The following PDE8B variants were observed in gnomAD, a reference collection of about 807,000 sequenced individuals.
PDE8B encodes high affinity cAMP-specific and IBMX-insensitive 3',5'-cyclic phosphodiesterase 8B.
Under a neutral mutation model 101.3 loss-of-function variants are expected in PDE8B, and 26 were observed. The observed-to-expected ratio is 0.26, with a 90% CI of 0.19 to 0.36. PDE8B has a LOEUF of 0.36. Ranked by LOEUF, PDE8B falls within the 10% of genes least tolerant of loss-of-function variation. The probability of loss-of-function intolerance (pLI) is 1.00; values close to 1 mark genes in which losing one functional copy is unlikely to be tolerated. For synonymous variants in PDE8B, 424 were observed against 429.3 expected, an observed-to-expected ratio of 0.99 and a Z score of 0.15; for missense variants, 810 against 1,163.1, an observed-to-expected ratio of 0.70 and a Z score of 4.42.
intron 6 of PDE8B, among the ~76,000 whole-genome samples, chr5:77,343,562 G>A (rs1438557604): frequency 6.6e-6 from 1 of 152,206 alleles, no homozygotes; most frequent in Admixed American, 6.5e-5. Flanking sequence ...GCAGGACTGG[G>A]AGTTGCTCTG....
At chr5:77,226,226 ATCTCTG>A (rs1752370813) in intron 1 of PDE8B, among the ~76,000 whole-genome samples, 1 of 151,426 alleles carries the variant, frequency 6.6e-6, no homozygotes, top group African/African-American at 2.4e-5. Context: ...TTTAGATTTT[ATCTCTG>A]TCTCTTACAT....
At chr5:77,107,859 AG>A in the PDE8B span, among the ~76,000 whole-genome samples, 1 of 152,310 alleles carries the variant, frequency 6.6e-6, no homozygotes, top group Non-Finnish European at 1.5e-5. Flanking sequence ...ATTATCCTTT[AG>A]TAGTTGTATT....
At chr5:77,291,688 C>T in intron 1 of PDE8B, 2 of 1,595,022 alleles carry the variant, frequency 1.3e-6, no homozygotes, top group South Asian at 1.1e-5. Flanking sequence ...GAAAAGCACA[C>T]TGGTGGTGGC....
chr5:77,166,246 A>AC, the PDE8B span, among the ~76,000 whole-genome samples: 1 of 143,566 alleles, frequency 7.0e-6, no homozygotes, highest in African/African-American at 2.5e-5. Context: ...AAAAAAAAAA[A>AC]CCAACAAAAA....
intron 10 of PDE8B, among the ~76,000 whole-genome samples, chr5:77,397,676 T>G (rs1435405491): frequency 2.0e-5 from 3 of 152,206 alleles, no homozygotes; most frequent in Non-Finnish European, 4.4e-5. Flanking sequence ...TGTCAGTATA[T>G]TCTTATATTA....
chr5:77,411,646 T>C lies in PDE8B; in HGVS notation c.1531-30T>C, dbSNP rs184988537. 267 of 1,574,310 alleles carry C rather than the reference T, an allele frequency of 1.7e-4. 2 individuals are homozygous for C. In the African/African-American group the frequency reaches 3.4e-3, roughly 20 times the overall value. ...AGAGAATGATAATAGATATAAAGCATGCTTCTAACAGGCTCTTCCTTTATT... is the reference window on the plus strand; with the variant it reads ...AGAGAATGATAATAGATATAAAGCACGCTTCTAACAGGCTCTTCCTTTATT... On this transcript the variant is annotated intron_variant, in intron 14 of 21. Transcript: ENST00000264917.
At chr5:77,391,221 C>T (rs1482580159) in intron 10 of PDE8B, among the ~76,000 whole-genome samples, 3 of 152,178 alleles carry the variant, frequency 2.0e-5, no homozygotes, top group East Asian at 3.9e-4. Flanking sequence ...ATTAGTTGTA[C>T]AGTGGGGTAT....
chr5:77,097,919 C>T, the PDE8B span, among the ~76,000 whole-genome samples: 3 of 150,304 alleles, frequency 2.0e-5, no homozygotes, highest in South Asian at 2.1e-4. Flanking sequence ...GATCCCGTAC[C>T]GGAATTCTAT....
intron 1 of PDE8B, chr5:77,213,931 G>A (rs1749083417): frequency 6.6e-6 from 1 of 152,524 alleles, no homozygotes; most frequent in African/African-American, 2.4e-5. Context: ...AAAAAAAAAG[G>A]GTTATAAGCA....
chr5:77,196,594 T>C, the PDE8B span, among the ~76,000 whole-genome samples: 1 of 152,198 alleles, frequency 6.6e-6, no homozygotes, highest in Non-Finnish European at 1.5e-5. Flanking sequence ...GTTTGCTCAA[T>C]TGTGTTAAAG....
the PDE8B span, among the ~76,000 whole-genome samples, chr5:77,157,915 C>T: frequency 2.2e-4 from 33 of 152,340 alleles, no homozygotes; most frequent in South Asian, 6.2e-4. Flanking sequence ...GACTGCCCCT[C>T]CTCCATCAGA....
chr5:77,418,773 C>T (rs375896741), intron 18 of PDE8B, among the ~76,000 whole-genome samples: 9 of 152,190 alleles, frequency 5.9e-5, no homozygotes, highest in African/African-American at 1.9e-4. Flanking sequence ...AATGTATCCA[C>T]CCCCATTTTT....
chr5:77,118,471 A>G, the PDE8B span: 2 of 398,390 alleles, frequency 5.0e-6, no homozygotes, highest in East Asian at 7.1e-5. Context: ...GGAGGGAAAG[A>G]TGGTGCCCAC....
the PDE8B span, among the ~76,000 whole-genome samples, chr5:77,136,713 G>A: frequency 3.9e-5 from 6 of 152,208 alleles, no homozygotes; most frequent in South Asian, 4.2e-4. Context: ...AGAATCTTCC[G>A]GTCTCCCTCT....
intron 1 of PDE8B, among the ~76,000 whole-genome samples, chr5:77,247,994 A>C (rs972681953): frequency 3.3e-5 from 5 of 152,200 alleles, no homozygotes; most frequent in Admixed American, 6.5e-5. Flanking sequence ...CTTCACCCGC[A>C]TGGTGGTGTT....
Position 77,211,167 on chromosome 5 carries a change from G to C in PDE8B, c.242G>C (p.Gly81Ala). The change falls in exon 1 of 22, where the codon GGT becomes GCT. Residue 81 changes from glycine (G) to alanine (A), a missense_variant. By Grantham distance (60) the Gly-to-Ala change is moderately conservative. Coordinates refer to ENST00000264917, the MANE Select transcript of PDE8B (RefSeq NM_003719.5). This position sits in a 1 kb window ranked among gnomAD's most constrained non-coding sequence, Gnocchi z 4.1. Reference sequence around the variant, plus strand: ...GAGCTGGGCAGCGGTAGCAGCGCGGGTTCCGCAGCCCCCGCCGCGACCACC... The same window carrying C: ...GAGCTGGGCAGCGGTAGCAGCGCGGCTTCCGCAGCCCCCGCCGCGACCACC... ...RTELGSGSSA[G>A]SAAPAATTSR... 1 of 1,533,402 alleles carries C rather than the reference G, an allele frequency of 6.5e-7. No individual in the cohort carries two copies. The highest frequency in any genetic ancestry group is 8.7e-7 in the Non-Finnish European group (1 of 1,146,740). 95.0% of individuals were successfully genotyped at this position (1,533,402 alleles called of 1,614,324 possible).
intron 2 of PDE8B, among the ~76,000 whole-genome samples, chr5:77,318,935 C>A (rs561774596): frequency 6.6e-6 from 1 of 152,156 alleles, no homozygotes; most frequent in Non-Finnish European, 1.5e-5. Context: ...TAATGAACAC[C>A]TATATTGCCT....
At chr5:77,164,994 C>G in the PDE8B span, among the ~76,000 whole-genome samples, 2 of 152,142 alleles carry the variant, frequency 1.3e-5, no homozygotes, top group African/African-American at 4.8e-5. Flanking sequence ...GCTTAACTGG[C>G]TTGGTAGGAG....
the PDE8B span, among the ~76,000 whole-genome samples, chr5:77,163,460 TA>T: frequency 6.6e-6 from 1 of 152,158 alleles, no homozygotes; most frequent in Non-Finnish European, 1.5e-5. Context: ...TAATGAAGAC[TA>T]AAAAAAGGTG....
Sources: gnomAD v4.1 joint callset for allele counts (sites outside exome capture counted in the v4.1 genomes callset) on GRCh38, gnomAD v4.1.1 for gene constraint, Gnocchi (gnomAD v3.1) non-coding constraint, MANE v1.5 for transcripts, NCBI Gene and HGNC (gene_info 2026-07-23, HGNC 2026-07-21) for gene names.